The following CD33 variants were observed in gnomAD, a reference collection of about 807,000 sequenced individuals.
The protein encoded by CD33 is CD33 molecule, also known as myeloid cell surface antigen CD33.
In CD33, 25 loss-of-function variants were observed where a neutral mutation model predicts 31.4. The ratio of observed to expected loss-of-function variants is 0.80; its 90% CI spans 0.58 to 1.11. The LOEUF (loss-of-function observed/expected upper bound fraction) is 1.11. Ranked by LOEUF, CD33 falls within the 50% of genes most tolerant of loss-of-function variation. The pLI, the probability that CD33 is intolerant of heterozygous loss-of-function variation, is 0.00. For synonymous variants in CD33, 176 were observed against 180.6 expected (o/e 0.97, Z 0.20); for missense variants, 407 against 448.1 (o/e 0.91, Z 0.83).
At chr19:51,233,728 C>G (rs930210853) in intron 4 of CD33, among the ~76,000 whole-genome samples, 2 of 152,234 alleles carry the variant, frequency 1.3e-5, no homozygotes, top group Non-Finnish European at 2.9e-5. Context: ...TGCAGTGGCA[C>G]TGGAGGTTGG....
At chr19:51,216,394 G>C in the CD33 span, among the ~76,000 whole-genome samples, 1 of 152,046 alleles carries the variant, frequency 6.6e-6, no homozygotes. Context: ...GGTAGACATA[G>C]CATCAGAAAT....
At chr19:51,227,731 C>G in intron 4 of CD33, among the ~76,000 whole-genome samples, 1 of 152,124 alleles carries the variant, frequency 6.6e-6, no homozygotes, top group Middle Eastern at 3.2e-3. Flanking sequence ...GATATCATCT[C>G]ATTTATTTAC....
intron 4 of CD33, 26 bp downstream of exon 4, chr19:51,226,382 G>T (rs1981037093): frequency 6.2e-7 from 1 of 1,604,620 alleles, no homozygotes; most frequent in Non-Finnish European, 8.5e-7. Context: ...CCCGCCTGGG[G>T]CTGTTACTGA....
chr19:51,214,386 C>G, the CD33 span, among the ~76,000 whole-genome samples: 1 of 150,814 alleles, frequency 6.6e-6, no homozygotes, highest in Admixed American at 6.6e-5. Context: ...TTAGTAGAGA[C>G]AGGGTTTCAC....
At chr19:51,221,204 C>A (rs1465492159), upstream of CD33, among the ~76,000 whole-genome samples, 1 of 152,160 alleles carries the variant, frequency 6.6e-6, no homozygotes, top group Non-Finnish European at 1.5e-5. Flanking sequence ...GAACTGTGAG[C>A]CAAAATATAT....
At chr19:51,239,260 G>C (rs1982006075) in intron 6 of CD33, 1 of 317,950 alleles carries the variant, frequency 3.1e-6, no homozygotes, top group Non-Finnish European at 5.7e-6. Context: ...AGATGCCAAA[G>C]ATGATGTCAG....
chr19:51,220,559 C>A (rs540341351), upstream of CD33, among the ~76,000 whole-genome samples: 5 of 152,276 alleles, frequency 3.3e-5, no homozygotes, highest in African/African-American at 1.2e-4. Context: ...TATCAGGACT[C>A]TTGTAGGACT....
the CD33 span, among the ~76,000 whole-genome samples, chr19:51,219,157 C>T: frequency 2.1e-3 from 321 of 152,148 alleles, 4 homozygotes; most frequent in South Asian, 0.017. Flanking sequence ...TCCATGAGCA[C>T]GGGATGCTCC....
chr19:51,230,966 C>T (rs533360870), intron 4 of CD33, among the ~76,000 whole-genome samples: 3 of 152,280 alleles, frequency 2.0e-5, no homozygotes, highest in South Asian at 2.1e-4. Context: ...TAAAACCCCT[C>T]GTGGCTTGGA....
chr19:51,233,938 G>T (rs1248723108), intron 4 of CD33, among the ~76,000 whole-genome samples: 1 of 152,116 alleles, frequency 6.6e-6, no homozygotes, highest in African/African-American at 2.4e-5. Context: ...TCAAATCTTT[G>T]CTGTGGTTTA....
At chr19:51,235,453 G>A in intron 5 of CD33, 142 bp from the exon 6 acceptor site, 6 of 1,423,418 alleles carry the variant, frequency 4.2e-6, no homozygotes, top group Non-Finnish European at 5.6e-6. Flanking sequence ...GGAGGTAGAG[G>A]GAGACCTTGT....
intron 4 of CD33, among the ~76,000 whole-genome samples, chr19:51,232,356 C>T (rs1053029814): frequency 6.6e-6 from 1 of 152,170 alleles, no homozygotes; most frequent in Non-Finnish European, 1.5e-5. Flanking sequence ...TGACTTTTGA[C>T]AATTTGGCAT....
chr19:51,213,098 A>T, the CD33 span, among the ~76,000 whole-genome samples: 2 of 152,000 alleles, frequency 1.3e-5, no homozygotes, highest in African/African-American at 4.8e-5. Flanking sequence ...ATATGGCAAA[A>T]TTTTTCTCAA....
chr19:51,229,627 T>A (rs1445671973), intron 4 of CD33, among the ~76,000 whole-genome samples: 1 of 152,164 alleles, frequency 6.6e-6, no homozygotes, highest in Non-Finnish European at 1.5e-5. Context: ...TCTCGGTAGA[T>A]TATATGTGTC....
intron 4 of CD33, among the ~76,000 whole-genome samples, chr19:51,233,385 C>T (rs1268818287): frequency 6.6e-6 from 1 of 152,218 alleles, no homozygotes; most frequent in Non-Finnish European, 1.5e-5. Flanking sequence ...GGTTTCTCTG[C>T]TGTTCAGGGC....
At position 51,236,190 on chromosome 19, in the gene CD33, G is replaced by A. The variant is rs562597669; in HGVS notation, c.924+514G>A. 1.3e-4 allele frequency: 41 copies of A among 316,764 alleles called. No homozygotes were observed. The Middle Eastern group carries it at 3.4e-3, about 26-fold the overall frequency. 19.6% of individuals were successfully genotyped at this position (316,764 alleles called of 1,614,324 possible). ...AAAAAAAAATAGTTTCTTATTCACC[G>A]TTCCCGAGAGGGCACACCACACCAT... On this transcript the variant is annotated intron_variant, in intron 6 of 6. Transcript: ENST00000262262.
the CD33 span, among the ~76,000 whole-genome samples, chr19:51,219,150 A>G: frequency 2.6e-5 from 4 of 152,196 alleles, no homozygotes; most frequent in African/African-American, 9.7e-5. Context: ...CTTCTGATCC[A>G]TGAGCACGGG....
Position 51,235,211 on chromosome 19 carries a change from T to C in CD33, c.800T>C (p.Val267Ala). The change falls in exon 5 of 7, where the codon GTT (valine) becomes GCT (alanine). Residue 267 changes from valine to alanine, a missense_variant. Transcript: ENST00000262262. ...CATGGGGCCATTGGAGGAGCTGGTG[T>C]TACAGCCCTGCTCGCTCTTTGTCTC... ...VVHGAIGGAG[V>A]TALLALCLCL... The C allele has an allele frequency of 1.2e-6, 2 of 1,614,168 alleles. No individual in the cohort carries two copies. Among genetic ancestry groups the C allele is most frequent in the Non-Finnish European group, 8.5e-7 (1 of 1,180,006 alleles).
At chr19:51,233,147 G>C (rs1599872779) in intron 4 of CD33, among the ~76,000 whole-genome samples, 1 of 152,200 alleles carries the variant, frequency 6.6e-6, no homozygotes, top group Non-Finnish European at 1.5e-5. Flanking sequence ...GGGCAGGCCA[G>C]AGTCATGTCC....
Sources: gnomAD v4.1 joint callset for allele counts (sites outside exome capture counted in the v4.1 genomes callset) on GRCh38, gnomAD v4.1.1 for gene constraint, MANE v1.5 for transcripts, NCBI Gene and HGNC (gene_info 2026-07-23, HGNC 2026-07-21) for gene names.